The following SPMAP2L variants were observed in gnomAD, a reference collection of about 807,000 sequenced individuals.
SPMAP2L encodes the protein sperm microtubule associated protein 2 like, also known as sperm microtubule associated protein 2-like.
At chr4:56,552,747 T>G in the SPMAP2L span, 5 of 620,928 alleles carry the variant, frequency 8.1e-6, no homozygotes, top group Non-Finnish European at 1.4e-5. Flanking sequence ...GTAGTCAGCA[T>G]GTAAAAGGCT....
At chr4:56,596,474 A>G in the SPMAP2L span, 1 of 1,491,324 alleles carries the variant, frequency 6.7e-7, no homozygotes, top group Non-Finnish European at 8.9e-7. Context: ...GATGCTTATA[A>G]GTACTGTTTT....
the SPMAP2L span, chr4:56,548,896 A>G: frequency 9.3e-7 from 1 of 1,070,934 alleles, no homozygotes; most frequent in South Asian, 2.6e-5. Flanking sequence ...GGGCAGATTC[A>G]TTTGACGTGG....
the SPMAP2L span, among the ~76,000 whole-genome samples, chr4:56,549,865 A>T: frequency 6.6e-6 from 1 of 152,222 alleles, no homozygotes; most frequent in African/African-American, 2.4e-5. Context: ...AAGATACCTC[A>T]TTATGTATGT....
the SPMAP2L span, among the ~76,000 whole-genome samples, chr4:56,539,856 T>C: frequency 6.6e-6 from 1 of 152,226 alleles, no homozygotes; most frequent in African/African-American, 2.4e-5. Flanking sequence ...CACATCACAC[T>C]GATTTATTTC....
the SPMAP2L span, among the ~76,000 whole-genome samples, chr4:56,572,609 G>A: frequency 1.3e-5 from 2 of 152,092 alleles, no homozygotes; most frequent in Non-Finnish European, 2.9e-5. Flanking sequence ...TCTGAATGGT[G>A]GACTACTATA....
chr4:56,590,811 T>A, the SPMAP2L span, among the ~76,000 whole-genome samples: 1 of 152,234 alleles, frequency 6.6e-6, no homozygotes, highest in Non-Finnish European at 1.5e-5. Context: ...TGTCATATAT[T>A]TCTTTCATTT....
chr4:56,600,941 CTGCTGCCATGA>C, the SPMAP2L span: 1 of 1,533,954 alleles, frequency 6.5e-7, no homozygotes, highest in South Asian at 1.2e-5. Context: ...TAGGTACCTC[CTGCTGCCATGA>C]TAGCTAAACC....
At chr4:56,580,994 T>C in the SPMAP2L span, among the ~76,000 whole-genome samples, 1 of 152,050 alleles carries the variant, frequency 6.6e-6, no homozygotes, top group Non-Finnish European at 1.5e-5. Flanking sequence ...TATGCTGAGT[T>C]TAATAAGCCA....
At chr4:56,564,855 T>C in the SPMAP2L span, among the ~76,000 whole-genome samples, 1 of 152,336 alleles carries the variant, frequency 6.6e-6, no homozygotes, top group Admixed American at 6.5e-5. Context: ...CAAATGTTGA[T>C]ATTTGTGCCT....
the SPMAP2L span, chr4:56,557,895 A>G: frequency 6.6e-6 from 1 of 152,206 alleles, no homozygotes; most frequent in African/African-American, 2.4e-5. Flanking sequence ...GTGGTACATT[A>G]TCTGTTTATA....
At chr4:56,602,157 A>G in the SPMAP2L span, among the ~76,000 whole-genome samples, 1 of 152,136 alleles carries the variant, frequency 6.6e-6, no homozygotes, top group Non-Finnish European at 1.5e-5. Context: ...TATTTTTTGG[A>G]GGCCTCTTAA....
the SPMAP2L span, among the ~76,000 whole-genome samples, chr4:56,543,895 AGTGTGTGTGTGTGTGTGT>A: frequency 9.1e-5 from 10 of 109,418 alleles, no homozygotes; most frequent in African/African-American, 3.0e-4. Flanking sequence ...AGAGAGAGAG[AGTGTGTGTGTGTGTGTGT>A]GTGTGTGTGT....
the SPMAP2L span, among the ~76,000 whole-genome samples, chr4:56,569,685 T>C: frequency 6.6e-6 from 1 of 152,228 alleles, no homozygotes; most frequent in Admixed American, 6.5e-5. Flanking sequence ...TAAGCACTTG[T>C]GGTCTCAGCT....
At chr4:56,562,390 T>G in the SPMAP2L span, among the ~76,000 whole-genome samples, 2 of 152,044 alleles carry the variant, frequency 1.3e-5, no homozygotes, top group Non-Finnish European at 2.9e-5. Context: ...TTAGTGTGTG[T>G]GTGTTTATAT....
the SPMAP2L span, among the ~76,000 whole-genome samples, chr4:56,534,954 C>A: frequency 6.6e-6 from 1 of 151,970 alleles, no homozygotes; most frequent in East Asian, 1.9e-4. Flanking sequence ...ACAACAACAA[C>A]AACAAAAAAA....
chr4:56,581,907 A>G, the SPMAP2L span, among the ~76,000 whole-genome samples: 8 of 152,138 alleles, frequency 5.3e-5, no homozygotes, highest in African/African-American at 1.9e-4. Context: ...GAGTGTCAAG[A>G]TAGTTTAATG....
chr4:56,575,537 CTG>C, the SPMAP2L span: 1 of 1,535,406 alleles, frequency 6.5e-7, no homozygotes, highest in Admixed American at 2.0e-5. Flanking sequence ...GGAAGAGAGT[CTG>C]TAATTTGGGA....
the SPMAP2L span, among the ~76,000 whole-genome samples, chr4:56,531,887 A>G: frequency 6.6e-6 from 1 of 152,104 alleles, no homozygotes; most frequent in Non-Finnish European, 1.5e-5. Context: ...ACTGCTCCTT[A>G]TCCAGCCTCG....
At chr4:56,618,397 G>A in the SPMAP2L span, among the ~76,000 whole-genome samples, 6 of 152,214 alleles carry the variant, frequency 3.9e-5, no homozygotes, top group Non-Finnish European at 8.8e-5. Flanking sequence ...TTCTCACGCT[G>A]CTAATGAAGA....
Sources: gnomAD v4.1 joint callset for allele counts (sites outside exome capture counted in the v4.1 genomes callset) on GRCh38, gnomAD v4.1.1 for gene constraint, MANE v1.5 for transcripts, NCBI Gene and HGNC (gene_info 2026-07-23, HGNC 2026-07-21) for gene names.